HLCS: variants seen among roughly 807,000 people sequenced by gnomAD.
HLCS encodes biotin--protein ligase.
HLCS carries 53 observed loss-of-function variants against 75.0 expected under a neutral mutation model. The ratio of observed to expected loss-of-function variants is 0.71; its 90% CI spans 0.57 to 0.89. HLCS has a LOEUF of 0.89. HLCS is among the 40% of genes least tolerant of loss of function. The pLI is 0.00. For synonymous variants in HLCS, 431 were observed against 428.6 expected, an observed-to-expected ratio of 1.01 and a Z score of -0.07; for missense variants, 966 against 1,074.0, an observed-to-expected ratio of 0.90 and a Z score of 1.41.
chr21:36,878,232 T>C (rs916025217), intron 6 of HLCS, among the ~76,000 whole-genome samples: 18 of 152,164 alleles, frequency 1.2e-4, no homozygotes, highest in African/African-American at 3.1e-4. Context: ...CCTGAGGCTC[T>C]GTTTATTTTT....
chr21:36,793,833 T>C (rs2060946897), intron 6 of HLCS, among the ~76,000 whole-genome samples: 1 of 152,178 alleles, frequency 6.6e-6, no homozygotes, highest in Admixed American at 6.5e-5. Context: ...TGCAATATTG[T>C]CCCTTTACGG....
At chr21:36,805,162 A>G (rs377421845) in intron 6 of HLCS, among the ~76,000 whole-genome samples, 2 of 152,288 alleles carry the variant, frequency 1.3e-5, no homozygotes, top group African/African-American at 4.8e-5. Flanking sequence ...TTTTTTTAAT[A>G]GCAAAGAAAG....
At chr21:36,792,233 G>A (rs935045348) in intron 6 of HLCS, among the ~76,000 whole-genome samples, 4 of 152,014 alleles carry the variant, frequency 2.6e-5, no homozygotes, top group East Asian at 1.9e-4. Context: ...CCAGCGCTAC[G>A]CTCTGGGGAC....
At chr21:36,809,709 C>T (rs1035072193) in intron 6 of HLCS, among the ~76,000 whole-genome samples, 1 of 152,062 alleles carries the variant, frequency 6.6e-6, no homozygotes, top group African/African-American at 2.4e-5. Context: ...TCATAGTGAG[C>T]ATATATCATG....
At chr21:36,883,697 T>C (rs528895602) in intron 6 of HLCS, among the ~76,000 whole-genome samples, 1 of 152,190 alleles carries the variant, frequency 6.6e-6, no homozygotes, top group Admixed American at 6.5e-5. Context: ...TCTTCCTTGG[T>C]AGCTGAAGAG....
intron 1 of HLCS, among the ~76,000 whole-genome samples, chr21:36,976,137 C>G (rs373673755): frequency 6.6e-6 from 1 of 152,180 alleles, no homozygotes; most frequent in South Asian, 2.1e-4. Context: ...AGATCCAAGA[C>G]GCAAGAGTGG....
chr21:36,834,194 C>T (rs777170171), intron 6 of HLCS, among the ~76,000 whole-genome samples: 1 of 152,230 alleles, frequency 6.6e-6, no homozygotes, highest in Non-Finnish European at 1.5e-5. Flanking sequence ...TATCCCCTGA[C>T]ACACTGCAGC....
chr21:36,982,109 CA>C (rs2069134378), intron 1 of HLCS, among the ~76,000 whole-genome samples: 1 of 151,944 alleles, frequency 6.6e-6, no homozygotes, highest in African/African-American at 2.4e-5. Flanking sequence ...ATTCAATAAG[CA>C]GATTTCCAAG....
chr21:36,774,393 ATC>A (rs2060296231), intron 6 of HLCS, among the ~76,000 whole-genome samples: 1 of 152,186 alleles, frequency 6.6e-6, no homozygotes, highest in South Asian at 2.1e-4. Flanking sequence ...AAGGGAATCC[ATC>A]TCTCTCAGTC....
chr21:36,791,206 G>C (rs1020300509), intron 6 of HLCS, among the ~76,000 whole-genome samples: 3 of 152,126 alleles, frequency 2.0e-5, no homozygotes, highest in Non-Finnish European at 4.4e-5. Flanking sequence ...ATACCAAGTA[G>C]CAAGAATCGC....
At chr21:36,872,546 T>C (rs762380159) in intron 6 of HLCS, among the ~76,000 whole-genome samples, 1 of 152,226 alleles carries the variant, frequency 6.6e-6, no homozygotes, top group East Asian at 1.9e-4. Context: ...TCTTCTAATT[T>C]TCTCCCACCA....
At chr21:36,923,024 C>A (rs958017609) in intron 5 of HLCS, among the ~76,000 whole-genome samples, 4 of 152,228 alleles carry the variant, frequency 2.6e-5, no homozygotes, top group Non-Finnish European at 5.9e-5. Flanking sequence ...CCAGACTCAA[C>A]GGTTCCGTCA....
intron 5 of HLCS, among the ~76,000 whole-genome samples, chr21:36,906,677 C>CTTTTTTT (rs59652867): frequency 7.6e-6 from 1 of 131,366 alleles, no homozygotes; most frequent in African/African-American, 2.8e-5. Flanking sequence ...TCCCAGAAGG[C>CTTTTTTT]TTTTTTTTTT....
chr21:36,830,746 C>G (rs889601485), intron 6 of HLCS, among the ~76,000 whole-genome samples: 1 of 150,790 alleles, frequency 6.6e-6, no homozygotes, highest in African/African-American at 2.4e-5. Flanking sequence ...GGACAAGCCC[C>G]TGGAAGTTGA....
intron 10 of HLCS, among the ~76,000 whole-genome samples, chr21:36,754,997 A>G (rs912105554): frequency 6.6e-6 from 1 of 152,138 alleles, no homozygotes; most frequent in African/African-American, 2.4e-5. Flanking sequence ...AACAAACCTC[A>G]TATTCTCTTC....
intron 2 of HLCS, among the ~76,000 whole-genome samples, chr21:36,961,265 A>G (rs2068275340): frequency 6.6e-6 from 1 of 152,240 alleles, no homozygotes; most frequent in Non-Finnish European, 1.5e-5. Context: ...TTAGGAAGCA[A>G]GAAATTGTAG....
rs537545490 is a variant in HLCS, at chr21:36,826,715, C to T, written c.1893-59430G>A. On this transcript the variant is annotated intron_variant, in intron 6 of 10. Transcript: ENST00000674895. ...CGCTATGCACTGCTAATGAACTTTCCACAATGCCATAAATGAAATATGTAA... is the reference window on the plus strand; with the variant it reads ...CGCTATGCACTGCTAATGAACTTTCTACAATGCCATAAATGAAATATGTAA... Among the ~76,000 whole-genome samples, 4 of 152,254 alleles carry T rather than the reference C, an allele frequency of 2.6e-5. No homozygotes were observed. The South Asian group carries it at 8.3e-4, about 32-fold the overall frequency.
At chr21:36,967,509 A>G (rs564167103), upstream of HLCS, among the ~76,000 whole-genome samples, 2 of 152,216 alleles carry the variant, frequency 1.3e-5, no homozygotes, top group Non-Finnish European at 2.9e-5. Flanking sequence ...CTTGTCTCCA[A>G]GGGAAGCATA....
At chr21:36,776,688 C>T (rs991090176) in intron 6 of HLCS, among the ~76,000 whole-genome samples, 13 of 152,206 alleles carry the variant, frequency 8.5e-5, no homozygotes, top group South Asian at 6.2e-4. Flanking sequence ...GCTGGGATTA[C>T]AGGCGTGAGC....
Sources: allele counts gnomAD v4.1 joint callset (sites outside exome capture counted in the v4.1 genomes callset), GRCh38; gene constraint gnomAD v4.1.1; transcripts MANE v1.5; gene names NCBI Gene and HGNC (gene_info 2026-07-23, HGNC 2026-07-21).